WLS: variants seen among roughly 807,000 people sequenced by gnomAD.
The protein encoded by WLS is protein wntless homolog.
WLS carries 23 observed loss-of-function variants against 62.8 expected under a neutral mutation model. The ratio of observed to expected loss-of-function variants is 0.37; its 90% CI spans 0.26 to 0.52. The LOEUF (loss-of-function observed/expected upper bound fraction) is 0.52, where lower values mean the gene tolerates loss of function less well. Ranked by LOEUF, WLS falls within the 20% of genes least tolerant of loss-of-function variation. The pLI, the probability that WLS is intolerant of heterozygous loss-of-function variation, is 0.92. For synonymous variants in WLS, 246 were observed against 244.1 expected, an observed-to-expected ratio of 1.01 and a Z score of -0.07; for missense variants, 615 against 697.3, an observed-to-expected ratio of 0.88 and a Z score of 1.33.
intron 2 of WLS, among the ~76,000 whole-genome samples, chr1:68,192,768 T>A (rs11587896): frequency 0.098 from 1,119 of 11,364 alleles, 148 homozygotes; most frequent in Middle Eastern, 0.26. Flanking sequence ...CTCTGTCTCT[T>A]AAAAAAAAAA....
intron 1 of WLS, among the ~76,000 whole-genome samples, chr1:68,223,330 G>A (rs1362494218): frequency 6.6e-6 from 1 of 152,180 alleles, no homozygotes; most frequent in African/African-American, 2.4e-5. Flanking sequence ...CTTGGTTATA[G>A]CACAGGAACT....
chr1:68,101,409 G>A (rs774436451), intron 11 of WLS, among the ~76,000 whole-genome samples: 3 of 152,060 alleles, frequency 2.0e-5, no homozygotes, highest in Admixed American at 6.5e-5. Context: ...GGCTTTATTC[G>A]TGTCCTCTTA....
At chr1:68,221,295 A>T (rs960808722) in intron 1 of WLS, among the ~76,000 whole-genome samples, 1 of 152,198 alleles carries the variant, frequency 6.6e-6, no homozygotes, top group Non-Finnish European at 1.5e-5. Flanking sequence ...TGCCTGTCAC[A>T]GCCAAGCCCC....
intron 2 of WLS, among the ~76,000 whole-genome samples, chr1:68,175,663 C>A (rs1647230289): frequency 6.6e-6 from 1 of 152,180 alleles, no homozygotes; most frequent in African/African-American, 2.4e-5. Flanking sequence ...TAAAACCATG[C>A]CTGTCCTCAG....
intron 1 of WLS, chr1:68,203,109 ATTG>A (rs1339984666): frequency 5.3e-5 from 8 of 152,362 alleles, no homozygotes; most frequent in Admixed American, 4.6e-4. Flanking sequence ...TATCAATATT[ATTG>A]TTAATAATAA....
chr1:68,172,811 A>G (rs1221344398), intron 2 of WLS, among the ~76,000 whole-genome samples: 1 of 152,212 alleles, frequency 6.6e-6, no homozygotes, highest in African/African-American at 2.4e-5. Context: ...AGCACAAAAT[A>G]GCAGGGAAAG....
intron 2 of WLS, among the ~76,000 whole-genome samples, chr1:68,180,635 T>G (rs1461380982): frequency 1.3e-5 from 2 of 152,222 alleles, no homozygotes; most frequent in Non-Finnish European, 2.9e-5. Context: ...ACCACCTGTT[T>G]CTTTGTTGGA....
chr1:68,133,994 C>T (rs79843167), intron 11 of WLS, among the ~76,000 whole-genome samples: 3,734 of 152,194 alleles, frequency 0.025, 51 homozygotes, highest in Middle Eastern at 0.041. Flanking sequence ...AGCTTCAAAG[C>T]AAAGGAGAGA....
intron 11 of WLS, among the ~76,000 whole-genome samples, chr1:68,108,356 TAA>T (rs750507973): frequency 2.0e-5 from 3 of 152,154 alleles, no homozygotes; most frequent in Non-Finnish European, 2.9e-5. Flanking sequence ...CTTCATCTCT[TAA>T]AAGAGACCAA....
intron 2 of WLS, among the ~76,000 whole-genome samples, chr1:68,175,650 C>A (rs1248837396): frequency 3.3e-5 from 5 of 152,142 alleles, no homozygotes; most frequent in Admixed American, 3.3e-4. Flanking sequence ...AAACAAAGAG[C>A]TATAAAACCA....
intron 1 of WLS, chr1:68,202,149 CA>C (rs1471691667): frequency 2.0e-5 from 3 of 152,152 alleles, no homozygotes; most frequent in Admixed American, 6.5e-5. Flanking sequence ...GCATTGGAAC[CA>C]AGAGGAAAAA....
chr1:68,216,569 A>G (rs757221031), intron 1 of WLS, among the ~76,000 whole-genome samples: 18 of 152,194 alleles, frequency 1.2e-4, no homozygotes, highest in Non-Finnish European at 2.2e-4. Flanking sequence ...GTTTGTTTGC[A>G]AAGTTTCTCT....
At chr1:68,208,868 T>C (rs764376051) in intron 1 of WLS, among the ~76,000 whole-genome samples, 3 of 152,200 alleles carry the variant, frequency 2.0e-5, no homozygotes. Context: ...GTTAGAGATA[T>C]GCCTGCACTG....
chr1:68,136,186 T>G (rs1557467307), intron 11 of WLS, among the ~76,000 whole-genome samples: 1 of 152,092 alleles, frequency 6.6e-6, no homozygotes, highest in Non-Finnish European at 1.5e-5. Flanking sequence ...CCTGCTCCAC[T>G]TCATCTCATC....
intron 1 of WLS, among the ~76,000 whole-genome samples, chr1:68,222,268 G>A (rs756245425): frequency 6.6e-6 from 1 of 152,128 alleles, no homozygotes; most frequent in South Asian, 2.1e-4. Flanking sequence ...CAGGAGGAAG[G>A]GAATGTACCA....
intron 11 of WLS, among the ~76,000 whole-genome samples, chr1:68,120,008 C>T (rs924898348): frequency 5.9e-5 from 9 of 151,948 alleles, no homozygotes; most frequent in East Asian, 2.0e-4. Context: ...CAAGGATGTA[C>T]GTTATAAGAA....
At chr1:68,160,693 T>C (rs1646960562) in intron 2 of WLS, among the ~76,000 whole-genome samples, 1 of 152,304 alleles carries the variant, frequency 6.6e-6, no homozygotes, top group African/African-American at 2.4e-5. Flanking sequence ...ATACTTCTGA[T>C]AGCCATTATT....
At chr1:68,102,379 A>G (rs959133150) in intron 11 of WLS, among the ~76,000 whole-genome samples, 1 of 152,112 alleles carries the variant, frequency 6.6e-6, no homozygotes, top group African/African-American at 2.4e-5. Context: ...CTGCTTTCCT[A>G]TGGGGAGAAC....
At chr1:68,175,247 G>A (rs1456344207) in intron 2 of WLS, among the ~76,000 whole-genome samples, 6 of 152,218 alleles carry the variant, frequency 3.9e-5, no homozygotes, top group African/African-American at 1.4e-4. Flanking sequence ...CCTACTATGT[G>A]TAGACATTTT....
Sources: gnomAD v4.1 joint callset for allele counts (sites outside exome capture counted in the v4.1 genomes callset) on GRCh38, gnomAD v4.1.1 for gene constraint, MANE v1.5 for transcripts, NCBI Gene and HGNC (gene_info 2026-07-23, HGNC 2026-07-21) for gene names.